The following ANKK1 variants were observed in gnomAD, a reference collection of about 807,000 sequenced individuals.
The protein encoded by ANKK1 is ankyrin repeat and kinase domain containing 1.
A neutral mutation model predicts 37.6 loss-of-function variants in ANKK1; 37 were observed. The observed-to-expected ratio is 0.98, with a 90% CI of 0.76 to 1.29. The LOEUF is 1.29. Among genes scored for constraint, ANKK1 ranks in the 50% most tolerant of loss-of-function variants. The pLI is 0.00. For synonymous variants in ANKK1, 415 were observed against 418.7 expected, an observed-to-expected ratio of 0.99 and a Z score of 0.11; for missense variants, 1,019 against 990.6, an observed-to-expected ratio of 1.03 and a Z score of -0.39.
At position 113,399,001 on chromosome 11, in the gene ANKK1, C is replaced by G. The variant is rs377262479; in HGVS notation, c.1032C>G (p.Ser344=). The G allele has an allele frequency of 3.8e-6, 6 of 1,593,526 alleles. No homozygotes were observed. In the South Asian group the frequency reaches 6.9e-5, roughly 18 times the overall value. The change falls in exon 8 of 8, where the codon TCC becomes TCG. Residue 344 remains serine (S), a synonymous_variant. Coordinates refer to ENST00000303941, the MANE Select transcript of ANKK1 (RefSeq NM_178510.2). ...ACCTGAAGCGGGCCCTTCAGCTCTC[C>G]GACCGTAAGAATTTGGTCCCGAGAG... ...GNYLKRALQL[S]DRKNLVPRDE...
At chr11:113,394,459 G>T (rs148171600) in intron 2 of ANKK1, among the ~76,000 whole-genome samples, 54 of 152,232 alleles carry the variant, frequency 3.5e-4, no homozygotes, top group African/African-American at 1.3e-3. Flanking sequence ...CAGCCTTCCT[G>T]GCCCTCAATG....
rs371542276 is a variant in ANKK1, at chr11:113,400,126, C to T, written c.2157C>T (p.Asp719=). 70 of 1,610,850 alleles carry T rather than the reference C, an allele frequency of 4.3e-5. No homozygotes were observed. In the African/African-American group the frequency reaches 5.9e-4, roughly 14 times the overall value. ...TGGTCGAGGCAGGCGCCCAGCTGGA[C>T]GTCCAGGATGGAGTGAGCTGCACAC... ...KVLVEAGAQL[D]VQDGVSCTPL... The change falls in exon 8 of 8, where the codon GAC becomes GAT. Residue 719 remains aspartate, a synonymous_variant. Coordinates refer to ENST00000303941, the MANE Select transcript of ANKK1 (RefSeq NM_178510.2).
rs4938016 is a variant in ANKK1, at chr11:113,399,293, G to A, written c.1324G>A (p.Gly442Ser). 113 of 1,600,740 alleles carry A rather than the reference G, an allele frequency of 7.1e-5. 2 individuals carry two copies. The South Asian group carries it at 1.1e-3, about 16-fold the overall frequency. Residue 442 changes from glycine (G) to serine (S), a missense_variant, in exon 8 of 8, where the codon GGC (glycine) becomes AGC (serine). Gly to Ser is a moderately conservative substitution (Grantham distance 56, BLOSUM62 0). Transcript: ENST00000303941. ...CTTTGCAGCCCAGAATGGGGATGAC[G>A]GCACTGCGCGCCTGCTCCTGGACCA... ...LHFAAQNGDD[G>S]TARLLLDHGA...
rs149650539 is a variant in ANKK1 at position 113,398,095 on chromosome 11, C to G, written c.994+79C>G. On this transcript the variant is annotated intron_variant, in intron 7 of 7. Transcript: ENST00000303941. ...GTCAAACCACACCCTTTCCCCATCCCCCTGGCCTCCCCCTCATCCCCAGGC... is the reference window on the plus strand; with the variant it reads ...GTCAAACCACACCCTTTCCCCATCCGCCTGGCCTCCCCCTCATCCCCAGGC... 551 of 1,491,690 alleles carry G rather than the reference C, an allele frequency of 3.7e-4. 3 individuals carry two copies. The East Asian group carries it at 0.012, about 32-fold the overall frequency. The allele number at this position is 1,491,690 out of a possible 1,614,324, so 92.4% of individuals were successfully genotyped here.
chr11:113,394,134 TG>T (rs1178030390), intron 2 of ANKK1, among the ~76,000 whole-genome samples: 1 of 152,204 alleles, frequency 6.6e-6, no homozygotes. Flanking sequence ...AACTCTTTTT[TG>T]CCCCAGGACC....
rs115874929 is a variant in ANKK1 at position 113,397,932 on chromosome 11, G to C, written c.958-48G>C. 1.4e-3 allele frequency: 2,210 copies of C among 1,549,450 alleles called. 41 individuals are homozygous for C. In the African/African-American group the frequency reaches 0.026, roughly 18 times the overall value. ...AAGGAGGGGAGGAGGGCACAGGCTAGAACTGCGCCACTGATCTCCACCCTG... is the reference window on the plus strand; with the variant it reads ...AAGGAGGGGAGGAGGGCACAGGCTACAACTGCGCCACTGATCTCCACCCTG... On this transcript the variant is annotated intron_variant, in intron 6 of 7. Transcript: ENST00000303941.
In ANKK1 at chr11:113,389,881, T is replaced by C. The variant is rs148011471; in HGVS notation, c.185+1812T>C. On this transcript the variant is annotated intron_variant, in intron 1 of 7. Transcript: ENST00000303941. Reference sequence around the variant, plus strand: ...TAGCGGTGGTGACCATGGGAGGGATTAATCAGAATTGCAGTATGGAGAATG... The same window carrying C: ...TAGCGGTGGTGACCATGGGAGGGATCAATCAGAATTGCAGTATGGAGAATG... Among the ~76,000 whole-genome samples, 8 of 152,268 alleles carry C rather than the reference T, an allele frequency of 5.3e-5. No individual in the cohort carries two copies. In the East Asian group the frequency reaches 1.5e-3, roughly 29 times the overall value.
chr11:113,397,107 T>C, intron 5 of ANKK1, 117 bp from the exon 6 acceptor site: 1 of 831,184 alleles, frequency 1.2e-6, no homozygotes, highest in Non-Finnish European at 1.9e-6. Flanking sequence ...TATATGAACA[T>C]ATGTGAGCCC....
At chr11:113,396,330 G>A (rs1275012105) in intron 5 of ANKK1, 108 bp downstream of exon 5, 16 of 1,367,824 alleles carry the variant, frequency 1.2e-5, no homozygotes, top group South Asian at 5.7e-5. Flanking sequence ...TTGGTACTAC[G>A]GCCTAGAAGG....
Position 113,400,019 on chromosome 11 carries a change from A to C in ANKK1, c.2050A>C (p.Asn684His), listed in dbSNP as rs771504640. The C allele has an allele frequency of 2.5e-6, 4 of 1,613,396 alleles. No homozygotes were observed. The South Asian group carries it at 3.3e-5, about 13-fold the overall frequency. The change falls in exon 8 of 8, where the codon AAT becomes CAT. Residue 684 changes from asparagine (N) to histidine (H), a missense_variant. Coordinates refer to ENST00000303941, the MANE Select transcript of ANKK1 (RefSeq NM_178510.2). Reference sequence around the variant, plus strand: ...CATCAACCTCCTAGAACATCACGCAAATGTCCACGCCCGCAACAAGGTGGG... The same window carrying C: ...CATCAACCTCCTAGAACATCACGCACATGTCCACGCCCGCAACAAGGTGGG... ...SVINLLEHHA[N>H]VHARNKVGWT...
chr11:113,388,124 C>T (rs562593885), intron 1 of ANKK1, 55 bp downstream of exon 1: 11 of 1,434,800 alleles, frequency 7.7e-6, no homozygotes, highest in Non-Finnish European at 1.0e-5. Context: ...GCCCGGCAAG[C>T]TTTGGGCCCA....
Position 113,396,186 on chromosome 11 carries a change from TG to T in ANKK1, c.805del (p.Asp269ThrfsTer11). On this transcript the variant is annotated frameshift_variant, in exon 5 of 8. Transcript: ENST00000303941. LOFTEE classifies it high-confidence loss of function. ...GATGGTGGACCTGATGAAACGCTGC[TG>T]GGACCAGGACCCCAAGAAGAGGCCA... is the stretch of plus-strand genomic sequence containing the variant. ...QQMVDLMKRC[W>X]DQDPKKRPCF... 6.2e-7 allele frequency: 1 copy of T among 1,613,988 alleles called. No homozygotes were observed. The highest frequency in any genetic ancestry group is 8.5e-7 in the Non-Finnish European group (1 of 1,179,892).
intron 1 of ANKK1, among the ~76,000 whole-genome samples, chr11:113,392,961 G>C (rs1426927352): frequency 1.3e-5 from 2 of 152,182 alleles, no homozygotes; most frequent in Non-Finnish European, 2.9e-5. Context: ...ATAGTAAAAG[G>C]ATATACTAAA....
At chr11:113,388,390 G>A (rs2138117768) in intron 1 of ANKK1, among the ~76,000 whole-genome samples, 1 of 152,216 alleles carries the variant, frequency 6.6e-6, no homozygotes, top group Middle Eastern at 3.4e-3. Context: ...TCTCTCCAGC[G>A]CCTTCTTCCC....
At chr11:113,391,868 C>A (rs1384710818) in intron 1 of ANKK1, among the ~76,000 whole-genome samples, 1 of 151,978 alleles carries the variant, frequency 6.6e-6, no homozygotes, top group Non-Finnish European at 1.5e-5. Flanking sequence ...AGGAAGTGAC[C>A]AGACAAGTAG....
chr11:113,393,286 T>C (rs1177899997), intron 1 of ANKK1, among the ~76,000 whole-genome samples, 195 bp from the exon 2 acceptor site: 1 of 152,186 alleles, frequency 6.6e-6, no homozygotes, highest in South Asian at 2.1e-4. Context: ...TCCTGCCTTG[T>C]TGCTGCTGTA....
At chr11:113,398,880 A>G in intron 7 of ANKK1, 84 bp from the exon 8 acceptor site, 1 of 1,221,214 alleles carries the variant, frequency 8.2e-7, no homozygotes, top group Non-Finnish European at 1.1e-6. Context: ...CCTGGATGGT[A>G]CTTCCAGGAG....
In ANKK1 at chr11:113,400,105, C is replaced by T. The variant is rs749486188; in HGVS notation, c.2136C>T (p.Val712=). The T allele has an allele frequency of 1.1e-5, 18 of 1,613,064 alleles. No individual in the cohort carries two copies. The highest frequency in any genetic ancestry group is 1.5e-5 in the Non-Finnish European group (18 of 1,179,712). Reference sequence around the variant, plus strand: ...ACACAGCCATCCTCAAAGTGCTGGTCGAGGCAGGCGCCCAGCTGGACGTCC... The same window carrying T: ...ACACAGCCATCCTCAAAGTGCTGGTTGAGGCAGGCGCCCAGCTGGACGTCC... ...KGNTAILKVL[V]EAGAQLDVQD... is the part of the protein sequence containing the mutation. Residue 712 remains valine (V), a synonymous_variant, in exon 8 of 8, where the codon GTC becomes GTT. Coordinates refer to ENST00000303941, the MANE Select transcript of ANKK1 (RefSeq NM_178510.2).
In ANKK1 at chr11:113,387,781, T is replaced by TC; in HGVS notation, c.-100dup. 5 of 1,323,444 alleles carry TC rather than the reference T, an allele frequency of 3.8e-6. No homozygotes were observed. The highest frequency in any genetic ancestry group is 5.0e-6 in the Non-Finnish European group (5 of 1,001,694). 82.0% of individuals were successfully genotyped at this position (1,323,444 alleles called of 1,614,324 possible). On this transcript the variant is annotated 5_prime_UTR_variant, in exon 1 of 8. Coordinates refer to ENST00000303941, the MANE Select transcript of ANKK1 (RefSeq NM_178510.2). ...AGGCAGGGCCGGCTCGTCTCCCCAT[T>TC]CCCCTCTCCCGGACCCGAGGAGCAG...
Sources: allele counts gnomAD v4.1 joint callset (sites outside exome capture counted in the v4.1 genomes callset), GRCh38; gene constraint gnomAD v4.1.1; transcripts MANE v1.5; gene names NCBI Gene and HGNC (gene_info 2026-07-23, HGNC 2026-07-21).